Variants in PTBP2 observed in about 807,000 individuals in gnomAD.
The protein encoded by PTBP2 is polypyrimidine tract-binding protein 2.
In PTBP2, 13 loss-of-function variants were observed where a neutral mutation model predicts 61.4. That is an observed-to-expected ratio of 0.21 (90% CI 0.14 to 0.34). The LOEUF (loss-of-function observed/expected upper bound fraction) is 0.34, where lower values mean the gene tolerates loss of function less well. Ranked by LOEUF, PTBP2 falls within the 10% of genes least tolerant of loss-of-function variation. The probability of loss-of-function intolerance (pLI) is 1.00; values close to 1 mark genes in which losing one functional copy is unlikely to be tolerated. For synonymous variants in PTBP2, 215 were observed against 218.5 expected (o/e 0.98, Z 0.14); for missense variants, 405 against 642.6 (o/e 0.63, Z 4.00).
chr1:96,806,361 C>G, intron 9 of PTBP2, 58 bp from the exon 10 acceptor site: 1 of 1,334,006 alleles, frequency 7.5e-7, no homozygotes. Context: ...CATCTCCGCT[C>G]TTCCTCGACT....
At chr1:96,804,700 G>GT in intron 8 of PTBP2, 100 bp from the exon 9 acceptor site, 1 of 1,219,166 alleles carries the variant, frequency 8.2e-7, no homozygotes, top group Non-Finnish European at 1.1e-6. Context: ...ATGGTCAGCC[G>GT]TAAGCCATGC....
At chr1:96,800,111 C>T (rs1042554732) in intron 8 of PTBP2, among the ~76,000 whole-genome samples, 1 of 152,132 alleles carries the variant, frequency 6.6e-6, no homozygotes, top group African/African-American at 2.4e-5. Flanking sequence ...AGCATTCTTA[C>T]ACCATACTGT....
At chr1:96,741,588 AT>A (rs1653036534) in intron 2 of PTBP2, among the ~76,000 whole-genome samples, 2 of 150,150 alleles carry the variant, frequency 1.3e-5, no homozygotes, top group South Asian at 4.2e-4. Context: ...TGTCCTACAG[AT>A]AACTCTCTCC....
intron 3 of PTBP2, among the ~76,000 whole-genome samples, chr1:96,763,823 A>G (rs775706083): frequency 5.9e-5 from 9 of 152,134 alleles, no homozygotes; most frequent in Non-Finnish European, 1.3e-4. Flanking sequence ...TTTTTTTCTG[A>G]CAAAAATGAA....
chr1:96,780,091 C>G (rs552781832), intron 7 of PTBP2, among the ~76,000 whole-genome samples: 1 of 152,158 alleles, frequency 6.6e-6, no homozygotes, highest in African/African-American at 2.4e-5. Flanking sequence ...GCTTTTCTTG[C>G]AAAATCTGCT....
intron 3 of PTBP2, among the ~76,000 whole-genome samples, chr1:96,759,066 G>A (rs1432520728): frequency 1.3e-5 from 2 of 151,794 alleles, no homozygotes; most frequent in African/African-American, 2.4e-5. Context: ...CAAAATATCA[G>A]GAAAAAAATT....
At chr1:96,799,585 C>T (rs1288050192) in intron 8 of PTBP2, among the ~76,000 whole-genome samples, 1 of 151,926 alleles carries the variant, frequency 6.6e-6, no homozygotes, top group Non-Finnish European at 1.5e-5. Context: ...ACAGTTTTTT[C>T]CTCACATATC....
At chr1:96,786,699 A>T (rs1329101043) in intron 8 of PTBP2, among the ~76,000 whole-genome samples, 2 of 152,240 alleles carry the variant, frequency 1.3e-5, no homozygotes, top group Admixed American at 6.5e-5. Flanking sequence ...AGATGGTCTC[A>T]TCAAGATTTT....
chr1:96,780,951 C>A (rs1658589482), intron 7 of PTBP2, among the ~76,000 whole-genome samples: 1 of 151,940 alleles, frequency 6.6e-6, no homozygotes, highest in African/African-American at 2.4e-5. Flanking sequence ...ATTGATTATA[C>A]CTCCTAAATT....
chr1:96,812,628 A>T, intron 11 of PTBP2, 84 bp from the exon 12 acceptor site: 1 of 1,129,670 alleles, frequency 8.9e-7, no homozygotes, highest in South Asian at 1.6e-5. Context: ...AGAAAATTCA[A>T]ATTTTTAAAC....
intron 2 of PTBP2, among the ~76,000 whole-genome samples, chr1:96,725,156 T>TAA (rs1358637292): frequency 6.6e-6 from 1 of 152,108 alleles, no homozygotes; most frequent in East Asian, 1.9e-4. Flanking sequence ...GTAAATTTTG[T>TAA]AAAAGAATAA....
chr1:96,757,599 C>T (rs1266085108), intron 3 of PTBP2, among the ~76,000 whole-genome samples: 1 of 152,088 alleles, frequency 6.6e-6, no homozygotes, highest in Admixed American at 6.6e-5. Flanking sequence ...GTTGGCTTAA[C>T]TCACATTTAT....
chr1:96,758,122 A>G (rs1390989638), intron 3 of PTBP2, among the ~76,000 whole-genome samples: 3 of 152,068 alleles, frequency 2.0e-5, no homozygotes, highest in Non-Finnish European at 4.4e-5. Flanking sequence ...AGAGATATAT[A>G]GAATATAATA....
chr1:96,768,741 ATAAGG>A (rs1465672357), intron 3 of PTBP2, among the ~76,000 whole-genome samples: 2 of 152,068 alleles, frequency 1.3e-5, no homozygotes, highest in African/African-American at 2.4e-5. Context: ...CGGTAACAGA[ATAAGG>A]TAATTAAGTT....
At chr1:96,729,435 G>A (rs1651067894) in intron 2 of PTBP2, among the ~76,000 whole-genome samples, 1 of 152,084 alleles carries the variant, frequency 6.6e-6, no homozygotes, top group South Asian at 2.1e-4. Flanking sequence ...GTGGTATCCA[G>A]TACAATGTTT....
chr1:96,789,598 C>T (rs1346718072), intron 8 of PTBP2, among the ~76,000 whole-genome samples: 1 of 151,964 alleles, frequency 6.6e-6, no homozygotes, highest in Non-Finnish European at 1.5e-5. Flanking sequence ...TTATAATTTT[C>T]TATATGTTTG....
At chr1:96,795,603 G>C (rs1419295162) in intron 8 of PTBP2, among the ~76,000 whole-genome samples, 2 of 152,160 alleles carry the variant, frequency 1.3e-5, no homozygotes, top group African/African-American at 4.8e-5. Context: ...GAAATCTAGG[G>C]ATCAAATAGG....
chr1:96,740,466 T>A (rs376091854), intron 2 of PTBP2, among the ~76,000 whole-genome samples: 7 of 152,244 alleles, frequency 4.6e-5, no homozygotes, highest in Admixed American at 1.3e-4. Flanking sequence ...CATGAAATCC[T>A]CCAGTTAACT....
chr1:96,787,765 A>G (rs1007434287), intron 8 of PTBP2, among the ~76,000 whole-genome samples: 3 of 152,190 alleles, frequency 2.0e-5, no homozygotes, highest in Non-Finnish European at 4.4e-5. Context: ...CATTTTACTT[A>G]GAATTTGTTT....
Sources: allele counts gnomAD v4.1 joint callset (sites outside exome capture counted in the v4.1 genomes callset), GRCh38; gene constraint gnomAD v4.1.1; transcripts MANE v1.5; gene names NCBI Gene and HGNC (gene_info 2026-07-23, HGNC 2026-07-21).